The following CNST variants were observed in gnomAD, a reference collection of about 807,000 sequenced individuals.
CNST encodes consortin.
In CNST, 39 loss-of-function variants were observed where a neutral mutation model predicts 72.4. That is an observed-to-expected ratio of 0.54 (90% CI 0.42 to 0.70). The LOEUF (loss-of-function observed/expected upper bound fraction) is 0.70. Among genes scored for constraint, CNST ranks in the 30% least tolerant of loss-of-function variants. CNST has a pLI of 0.00. For missense variants in CNST, 871 were observed against 868.5 expected, an observed-to-expected ratio of 1.00 and a Z score of -0.04; for synonymous variants, 332 against 320.1, an observed-to-expected ratio of 1.04 and a Z score of -0.40.
rs772014404 is a variant in CNST, at chr1:246,576,499, C to CT, written c.-52+9848dup. Among the ~76,000 whole-genome samples, 692 of 142,014 alleles carry CT rather than the reference C, an allele frequency of 4.9e-3. 7 individuals carry two copies. The highest frequency in any genetic ancestry group is 0.014 in the African/African-American group (545 of 38,622). The allele number at this position is 142,014 out of a possible 152,430, so 93.2% of individuals were successfully genotyped here. Reference sequence around the variant, plus strand: ...CACATAAAAATTATGTTTTTACATCCTTTTTTTTTTTTCTGAGATGGAGTC... The same window carrying CT: ...CACATAAAAATTATGTTTTTACATCCTTTTTTTTTTTTTCTGAGATGGAGTC... On this transcript the variant is annotated intron_variant, in intron 1 of 10. Coordinates refer to ENST00000366513, the MANE Select transcript of CNST (RefSeq NM_152609.3).
intron 2 of CNST, among the ~76,000 whole-genome samples, chr1:246,613,131 G>A (rs1467260885): frequency 6.6e-6 from 1 of 152,130 alleles, no homozygotes; most frequent in East Asian, 1.9e-4. Flanking sequence ...TAACGTGCCC[G>A]ATGTCATTGC....
At chr1:246,574,698 C>T (rs1177711409) in intron 1 of CNST, among the ~76,000 whole-genome samples, 1 of 151,970 alleles carries the variant, frequency 6.6e-6, no homozygotes, top group African/African-American at 2.4e-5. Flanking sequence ...AAGCACAATA[C>T]GTGTATTTTT....
intron 9 of CNST, among the ~76,000 whole-genome samples, chr1:246,649,939 G>C (rs1666359336): frequency 6.6e-6 from 1 of 151,276 alleles, no homozygotes; most frequent in Admixed American, 6.6e-5. Flanking sequence ...TCTTGTCGTG[G>C]ATGTATCAAA....
chr1:246,629,002 GTC>G, intron 3 of CNST, among the ~76,000 whole-genome samples: 1 of 152,252 alleles, frequency 6.6e-6, no homozygotes, highest in African/African-American at 2.4e-5. Flanking sequence ...TAGATACATA[GTC>G]TCTCTGTTTT....
chr1:246,633,431 A>G (rs1178582680), intron 4 of CNST, among the ~76,000 whole-genome samples: 2 of 148,164 alleles, frequency 1.3e-5, no homozygotes, highest in Non-Finnish European at 3.0e-5. Context: ...CCTCGGTGAC[A>G]GAGGGAGACT....
intron 6 of CNST, among the ~76,000 whole-genome samples, chr1:246,635,893 G>A (rs1229882443): frequency 6.6e-6 from 1 of 152,228 alleles, no homozygotes; most frequent in Non-Finnish European, 1.5e-5. Context: ...GTTATCATAC[G>A]CAGGGACTCC....
chr1:246,585,802 G>T (rs1243256516), intron 1 of CNST, among the ~76,000 whole-genome samples: 1 of 151,626 alleles, frequency 6.6e-6, no homozygotes, highest in Non-Finnish European at 1.5e-5. Flanking sequence ...TGCCTACGCT[G>T]GGCGTGGTGG....
chr1:246,572,114 C>T (rs1660103875), intron 1 of CNST, among the ~76,000 whole-genome samples: 4 of 152,148 alleles, frequency 2.6e-5, no homozygotes, highest in African/African-American at 9.7e-5. Flanking sequence ...CGCCTGTAGT[C>T]CTAGCTACTC....
intron 3 of CNST, among the ~76,000 whole-genome samples, chr1:246,625,965 C>T (rs959826184): frequency 2.0e-5 from 3 of 152,074 alleles, no homozygotes; most frequent in Admixed American, 6.6e-5. Flanking sequence ...TGTTTTGAAG[C>T]GTTTTGTTTA....
intron 9 of CNST, among the ~76,000 whole-genome samples, chr1:246,652,370 C>G (rs1480347174): frequency 6.6e-6 from 1 of 152,148 alleles, no homozygotes; most frequent in Non-Finnish European, 1.5e-5. Flanking sequence ...CTCTTACACA[C>G]ATAGAGATGA....
intron 3 of CNST, among the ~76,000 whole-genome samples, chr1:246,622,241 G>A (rs1664142487): frequency 6.6e-6 from 1 of 152,160 alleles, no homozygotes; most frequent in Non-Finnish European, 1.5e-5. Context: ...AGACCCTGCT[G>A]GACATGGGTA....
chr1:246,655,051 A>G (rs918934115), intron 9 of CNST, among the ~76,000 whole-genome samples: 1 of 152,210 alleles, frequency 6.6e-6, no homozygotes, highest in Non-Finnish European at 1.5e-5. Flanking sequence ...ACTGGCAGCT[A>G]TTTAAACAAT....
intron 1 of CNST, among the ~76,000 whole-genome samples, chr1:246,568,279 A>AT (rs1169461742): frequency 2.0e-5 from 3 of 152,272 alleles, no homozygotes; most frequent in South Asian, 2.1e-4. Flanking sequence ...AACTGATGTC[A>AT]TTTTTTATTT....
intron 1 of CNST, 174 bp downstream of exon 1, chr1:246,566,837 T>A (rs1209157087): frequency 5.1e-6 from 2 of 395,852 alleles, no homozygotes; most frequent in Admixed American, 8.8e-5. Context: ...TCAGGTCGCC[T>A]GTTTTCCTCT....
intron 6 of CNST, among the ~76,000 whole-genome samples, chr1:246,639,329 AG>A (rs1665527284): frequency 6.6e-6 from 1 of 152,136 alleles, no homozygotes; most frequent in African/African-American, 2.4e-5. Context: ...TTAGTAGCTT[AG>A]TATAACGGTT....
intron 1 of CNST, among the ~76,000 whole-genome samples, chr1:246,569,057 T>C (rs1659898086): frequency 6.6e-6 from 1 of 152,130 alleles, no homozygotes. Context: ...AAATGACAAC[T>C]GTAATTGGGA....
rs1034040784 is a variant in CNST, at chr1:246,593,689, A to G, written c.379+1748A>G. 8.5e-5 allele frequency among the ~76,000 whole-genome samples: 13 copies of G among 152,202 alleles called. No individual in the cohort carries two copies. In the East Asian group the frequency reaches 2.1e-3, roughly 25 times the overall value. Reference sequence around the variant, plus strand: ...ATAAGCAGAGGATATTTACAGTACTATGTATATATAAATCAGTTTATTCTA... The same window carrying G: ...ATAAGCAGAGGATATTTACAGTACTGTGTATATATAAATCAGTTTATTCTA... On this transcript the variant is annotated intron_variant, in intron 2 of 10. Transcript: ENST00000366513.
chr1:246,634,715 T>C, intron 6 of CNST, 128 bp downstream of exon 6: 1 of 632,246 alleles, frequency 1.6e-6, no homozygotes, highest in Admixed American at 3.3e-5. Context: ...AATATAATTA[T>C]TGCAAGGCTC....
intron 9 of CNST, 39 bp from the exon 10 acceptor site, chr1:246,660,160 C>T (rs771166852): frequency 1.3e-6 from 2 of 1,562,934 alleles, no homozygotes; most frequent in Middle Eastern, 1.7e-4. Flanking sequence ...GATGTCCCGC[C>T]TTAATAAAAG....
Sources: gnomAD v4.1 joint callset for allele counts (sites outside exome capture counted in the v4.1 genomes callset) on GRCh38, gnomAD v4.1.1 for gene constraint, MANE v1.5 for transcripts, NCBI Gene and HGNC (gene_info 2026-07-23, HGNC 2026-07-21) for gene names.